Variants in SIRPG observed in about 807,000 individuals in gnomAD.
SIRPG encodes the protein signal-regulatory protein gamma.
A neutral mutation model predicts 35.7 loss-of-function variants in SIRPG; 38 were observed. The observed-to-expected ratio is 1.06, with a 90% confidence interval of 0.82 to 1.40. The LOEUF is 1.40. SIRPG is among the 40% of genes most tolerant of loss of function. The probability of loss-of-function intolerance (pLI) is 0.00; values close to 1 mark genes in which losing one functional copy is unlikely to be tolerated. For missense variants in SIRPG, 519 were observed against 483.0 expected (o/e 1.07, Z -0.70); for synonymous variants, 215 against 190.4 (o/e 1.13, Z -1.06).
the SIRPG span, chr20:1,666,657 TA>T: frequency 6.6e-6 from 1 of 152,250 alleles, no homozygotes; most frequent in South Asian, 2.1e-4. Flanking sequence ...AAGTTAAAAA[TA>T]AAAAATGTAT....
At chr20:1,670,472 G>A in the SIRPG span, among the ~76,000 whole-genome samples, 6 of 152,178 alleles carry the variant, frequency 3.9e-5, no homozygotes, top group Non-Finnish European at 8.8e-5. Flanking sequence ...GGCTAAGAAT[G>A]AGTGAAATCT....
chr20:1,667,916 T>C, the SIRPG span, among the ~76,000 whole-genome samples: 7 of 152,204 alleles, frequency 4.6e-5, no homozygotes, highest in Admixed American at 3.9e-4. Context: ...TCTTATTGTA[T>C]TGACTGTTCT....
Position 1,639,091 on chromosome 20 carries a change from G to A in SIRPG, c.431-2586C>T, listed in dbSNP as rs185803357. On this transcript the variant is annotated intron_variant, in intron 2 of 5. Coordinates refer to ENST00000303415, the MANE Select transcript of SIRPG (RefSeq NM_018556.4). ...TGCTGCAATAAACATACATGTGCAT[G>A]TGTCCTCATAGTAGAATGATTTATA... 1.7e-3 allele frequency among the ~76,000 whole-genome samples: 265 copies of A among 152,228 alleles called. 1 individual carries two copies. Among genetic ancestry groups the A allele is most frequent in the African/African-American group, 6.0e-3 (251 of 41,534 alleles).
At chr20:1,653,598 A>G (rs75047730) in intron 1 of SIRPG, among the ~76,000 whole-genome samples, 4,265 of 152,284 alleles carry the variant, frequency 0.028, 210 homozygotes, top group African/African-American at 0.094. Context: ...AGGGAATTTC[A>G]GGATAAAAAT....
chr20:1,667,345 T>A, the SIRPG span, among the ~76,000 whole-genome samples: 1 of 152,116 alleles, frequency 6.6e-6, no homozygotes, highest in Non-Finnish European at 1.5e-5. Context: ...CCCTTCTAGG[T>A]TTATGTAAGT....
At position 1,657,680 on chromosome 20, in the gene SIRPG, C is replaced by T. The variant is rs2091983737; in HGVS notation, c.35G>A (p.Gly12Asp). Residue 12 changes from glycine (G) to aspartate (D), a missense_variant, in exon 1 of 6, where the codon GGT becomes GAT. Physicochemically the swap from Gly to Asp is moderately conservative, Grantham distance 94. Coordinates refer to ENST00000303415, the MANE Select transcript of SIRPG (RefSeq NM_018556.4). Reference protein sequence around the residue: ...PVPASWPHPPGPFLLLTLLLG... With the variant: ...PVPASWPHPPDPFLLLTLLLG... Reference sequence around the variant, plus strand: ...CAGTAGAGTCAGAAGCAGGAAAGGACCAGGAGGATGGGGCCAGGAGGCTGG... The same window carrying T: ...CAGTAGAGTCAGAAGCAGGAAAGGATCAGGAGGATGGGGCCAGGAGGCTGG... 1.2e-6 allele frequency: 2 copies of T among 1,614,012 alleles called. No individual in the cohort carries two copies. The highest frequency in any genetic ancestry group is 2.7e-5 in the African/African-American group (2 of 74,916).
At position 1,644,039 on chromosome 20, in the gene SIRPG, C is replaced by G. The variant is rs564414368; in HGVS notation, c.430+5013G>C. ...CGACAACCCCTATTAGAGGGTCTCTCTCAGTTGGGTGGCACGGGGAGCAGG... is the reference window on the plus strand; with the variant it reads ...CGACAACCCCTATTAGAGGGTCTCTGTCAGTTGGGTGGCACGGGGAGCAGG... On this transcript the variant is annotated intron_variant, in intron 2 of 5. Transcript: ENST00000303415. Among the ~76,000 whole-genome samples, 3 of 152,314 alleles carry G rather than the reference C, an allele frequency of 2.0e-5. No homozygotes were observed. In the East Asian group the frequency reaches 5.8e-4, roughly 29 times the overall value.
upstream of SIRPG, among the ~76,000 whole-genome samples, chr20:1,660,326 C>A (rs1490653528): frequency 1.3e-5 from 2 of 152,122 alleles, no homozygotes; most frequent in African/African-American, 4.8e-5. Flanking sequence ...TCCTGTGGTA[C>A]AGCACAGAGA....
Position 1,649,432 on chromosome 20 carries a change from A to AT in SIRPG, c.74-25dup, listed in dbSNP as rs1415959578. 3.8e-6 allele frequency: 6 copies of AT among 1,569,954 alleles called. No individual in the cohort carries two copies. The African/African-American group carries it at 4.1e-5, about 11-fold the overall frequency. Reference sequence around the variant, plus strand: ...TTCTGAAAAGGAGCACAAAGCAATCATTTTTTCATCCTTACATAATCCTGT... The same window carrying AT: ...TTCTGAAAAGGAGCACAAAGCAATCATTTTTTTCATCCTTACATAATCCTGT... On this transcript the variant is annotated intron_variant, in intron 1 of 5. Transcript: ENST00000303415.
intron 4 of SIRPG, among the ~76,000 whole-genome samples, chr20:1,634,886 A>AC (rs1568724168): frequency 1.3e-5 from 2 of 151,776 alleles, no homozygotes; most frequent in Non-Finnish European, 2.9e-5. Context: ...TACTAAAAAT[A>AC]CAAAAAATTA....
At chr20:1,659,376 A>T (rs2091990214), upstream of SIRPG, among the ~76,000 whole-genome samples, 1 of 152,228 alleles carries the variant, frequency 6.6e-6, no homozygotes, top group South Asian at 2.1e-4. Context: ...CACAGGGTGA[A>T]ATCTTCCCCT....
the SIRPG span, among the ~76,000 whole-genome samples, chr20:1,670,418 C>T: frequency 7.2e-5 from 11 of 152,154 alleles, no homozygotes; most frequent in Non-Finnish European, 1.5e-4. Context: ...CTAAGCACAA[C>T]GCCCAGCACA....
the SIRPG span, among the ~76,000 whole-genome samples, chr20:1,674,182 T>A: frequency 1.3e-5 from 2 of 151,220 alleles, no homozygotes; most frequent in African/African-American, 4.8e-5. Flanking sequence ...TAAACTGGCA[T>A]TTTTTTTTAG....
intron 2 of SIRPG, among the ~76,000 whole-genome samples, chr20:1,642,039 C>T (rs995649880): frequency 2.0e-5 from 3 of 152,090 alleles, no homozygotes; most frequent in Non-Finnish European, 4.4e-5. Context: ...GAATAAGTGC[C>T]TTGTGGCACT....
chr20:1,642,871 T>C (rs188107757), intron 2 of SIRPG, among the ~76,000 whole-genome samples: 1 of 152,330 alleles, frequency 6.6e-6, no homozygotes, highest in Admixed American at 6.5e-5. Context: ...GAAAATTCTT[T>C]TGTTTAAGAA....
rs960986801 is a variant in SIRPG, at chr20:1,649,382, T to C, written c.100A>G (p.Met34Val). The C allele has an allele frequency of 3.1e-6, 5 of 1,609,118 alleles. No individual in the cohort carries two copies. Among genetic ancestry groups the C allele is most frequent in the Admixed American group, 3.3e-5 (2 of 59,792 alleles). Reference sequence around the variant, plus strand: ...AACAGGAGCTTCTCAGGCTGAATCATCTGTAGCTCCTCCTCACCTGCCACT... The same window carrying C: ...AACAGGAGCTTCTCAGGCTGAATCACCTGTAGCTCCTCCTCACCTGCCACT... ...TEVAGEEELQ[M>V]IQPEKLLLVT... Residue 34 changes from methionine to valine, a missense_variant, in exon 2 of 6, where the codon ATG becomes GTG. Met to Val is a conservative substitution (Grantham distance 21). Coordinates refer to ENST00000303415, the MANE Select transcript of SIRPG (RefSeq NM_018556.4).
chr20:1,637,733 A>G (rs987763825), intron 2 of SIRPG: 1 of 152,228 alleles, frequency 6.6e-6, no homozygotes, highest in Non-Finnish European at 1.5e-5. Context: ...GAGTACTAAG[A>G]AAGCCAAAGG....
chr20:1,630,387 G>C, intron 4 of SIRPG, 81 bp from the exon 5 acceptor site: 1 of 1,085,700 alleles, frequency 9.2e-7, no homozygotes, highest in Non-Finnish European at 1.3e-6. Flanking sequence ...CCCCATCTGA[G>C]GCTGCCTGGG....
chr20:1,644,107 G>A (rs1452707640), intron 2 of SIRPG, among the ~76,000 whole-genome samples: 1 of 152,232 alleles, frequency 6.6e-6, no homozygotes, highest in African/African-American at 2.4e-5. Context: ...GGTGGAGTGA[G>A]TGTGCTTCAG....
Sources: allele counts gnomAD v4.1 joint callset (sites outside exome capture counted in the v4.1 genomes callset), GRCh38; gene constraint gnomAD v4.1.1; transcripts MANE v1.5; gene names NCBI Gene and HGNC (gene_info 2026-07-23, HGNC 2026-07-21).